The following MYT1 variants were observed in gnomAD, a reference collection of about 807,000 sequenced individuals.
The protein encoded by MYT1 is myelin transcription factor 1, also known as myelin transcription factor I.
In MYT1, 23 loss-of-function variants were observed where a neutral mutation model predicts 123.0. The ratio of observed to expected loss-of-function variants is 0.19; its 90% CI spans 0.13 to 0.26. The LOEUF is 0.26. Among genes scored for constraint, MYT1 ranks in the 10% least tolerant of loss-of-function variants. The probability of loss-of-function intolerance (pLI) is 1.00; values close to 1 mark genes in which losing one functional copy is unlikely to be tolerated. For missense variants in MYT1, 1,125 were observed against 1,472.5 expected (o/e 0.76, Z 3.86); for synonymous variants, 518 against 575.3 (o/e 0.90, Z 1.43).
intron 16 of MYT1, among the ~76,000 whole-genome samples, chr20:64,226,022 G>A (rs1335318590): frequency 6.6e-6 from 1 of 152,162 alleles, no homozygotes; most frequent in Non-Finnish European, 1.5e-5. Context: ...CTGTCACTCT[G>A]GCCACCTGAG....
At chr20:64,184,813 A>C (rs1319899286) in intron 1 of MYT1, among the ~76,000 whole-genome samples, 1 of 152,218 alleles carries the variant, frequency 6.6e-6, no homozygotes, top group African/African-American at 2.4e-5. Flanking sequence ...ACCCCACGTC[A>C]CGTAAGAAGC....
At chr20:64,215,368 C>T (rs1204307006) in intron 10 of MYT1, among the ~76,000 whole-genome samples, 2 of 152,202 alleles carry the variant, frequency 1.3e-5, no homozygotes, top group Non-Finnish European at 1.5e-5. Context: ...ATGGTGAATA[C>T]TCACTGAACG....
rs207477717 is a variant in MYT1, at chr20:64,169,060, C to T, written c.-99+4321C>T. 3.9e-5 allele frequency among the ~76,000 whole-genome samples: 6 copies of T among 152,276 alleles called. No homozygotes were observed. The East Asian group carries it at 9.7e-4, about 25-fold the overall frequency. On this transcript the variant is annotated intron_variant, in intron 1 of 22. Coordinates refer to ENST00000328439, the MANE Select transcript of MYT1 (RefSeq NM_004535.3). ...TGCAATCCACACATCAGAGGAGGAG[C>T]GTGAGAAGAGGGGGCCCTGGGTCAA...
At chr20:64,198,980 G>C in intron 3 of MYT1, 64 bp downstream of exon 3, 1 of 1,562,532 alleles carries the variant, frequency 6.4e-7, no homozygotes, top group Non-Finnish European at 8.8e-7. Flanking sequence ...TCTTCCTCAG[G>C]AGCACAAACC....
chr20:64,170,880 TATATAGAG>T (rs1470318452), intron 1 of MYT1, among the ~76,000 whole-genome samples: 9 of 49,152 alleles, frequency 1.8e-4, no homozygotes, highest in Admixed American at 3.2e-4. Flanking sequence ...TATATATATA[TATATAGAG>T]AGAGAGAGAG....
chr20:64,207,870 T>G lies in MYT1; in HGVS notation c.674T>G (p.Val225Gly). 6.2e-7 allele frequency: 1 copy of G among 1,612,630 alleles called. No individual in the cohort carries two copies. Among genetic ancestry groups the G allele is most frequent in the Non-Finnish European group, 8.5e-7 (1 of 1,179,632 alleles). Residue 225 changes from valine (V) to glycine (G), a missense_variant, in exon 7 of 23, where the codon GTC (valine) becomes GGC (glycine). Transcript: ENST00000328439. ...FIQPEDAEEV[V>G]EVTTERSQDL... is the part of the protein sequence containing the mutation. ...CAGCCAGAGGATGCCGAGGAGGTCGTCGAAGTCACCACCGAGCGCTCCCAG... is the reference window on the plus strand; with the variant it reads ...CAGCCAGAGGATGCCGAGGAGGTCGGCGAAGTCACCACCGAGCGCTCCCAG...
chr20:64,211,899 C>T (rs963014860), intron 8 of MYT1, 149 bp from the exon 9 acceptor site: 17 of 677,680 alleles, frequency 2.5e-5, no homozygotes, highest in Admixed American at 6.0e-5. Context: ...GCTGGAGCTG[C>T]CCTGCGTTGC....
intron 18 of MYT1, among the ~76,000 whole-genome samples, chr20:64,230,517 A>C (rs1266924815): frequency 6.6e-6 from 1 of 152,214 alleles, no homozygotes; most frequent in Non-Finnish European, 1.5e-5. Flanking sequence ...CCATCTCAAA[A>C]ATACTACTAC....
intron 1 of MYT1, among the ~76,000 whole-genome samples, chr20:64,169,324 G>A (rs1982174467): frequency 2.6e-5 from 4 of 152,232 alleles, no homozygotes; most frequent in Admixed American, 2.6e-4. Context: ...CCACAGACCC[G>A]AGGCGCGTCC....
At chr20:64,180,568 G>T (rs1219749367) in intron 1 of MYT1, among the ~76,000 whole-genome samples, 1 of 152,214 alleles carries the variant, frequency 6.6e-6, no homozygotes, top group East Asian at 1.9e-4. Context: ...CCTTGGTGGG[G>T]ACACCTTCTC....
rs968005521 is a variant in MYT1 at position 64,192,058 on chromosome 20, A to T, written c.-1+1898A>T. Among the ~76,000 whole-genome samples, 6 of 152,038 alleles carry T rather than the reference A, an allele frequency of 3.9e-5. No individual in the cohort carries two copies. On this transcript the variant is annotated intron_variant, in intron 2 of 22. Transcript: ENST00000328439. This position sits in a 1 kb window ranked among gnomAD's most constrained non-coding sequence, Gnocchi z 5.3. ...TGCCATGTCAGGGGTGGGTCGGAAG[A>T]CTTTTGTCTCCCCCTGGCCCAGACA...
chr20:64,208,054 A>C lies in MYT1; in HGVS notation c.858A>C (p.Glu286Asp). ...EEEEEEEEEE[E>D]EEEEEEEEEE... ...AAGAGGAAGAGGAGGAGGAAGAGGA[A>C]GAGGAGGAGGAGGAAGAGGAAGAGG... Residue 286 changes from glutamate to aspartate, a missense_variant, in exon 7 of 23, where the codon GAA (glutamate) becomes GAC (aspartate). Physicochemically the swap from Glu to Asp is conservative, Grantham distance 45 (BLOSUM62 2). Around this residue, in one of 4 missense-constraint regions of MYT1, gnomAD observed 406 missense variants for 432.2 expected, o/e 0.94. Coordinates refer to ENST00000328439, the MANE Select transcript of MYT1 (RefSeq NM_004535.3). The surrounding 1 kb of genome is among the most constrained non-coding windows in gnomAD (Gnocchi z 5.4). 6.3e-7 allele frequency: 1 copy of C among 1,589,588 alleles called. No homozygotes were observed. Among genetic ancestry groups the C allele is most frequent in the South Asian group, 1.1e-5 (1 of 87,878 alleles).
At position 64,203,838 on chromosome 20, in the gene MYT1, C is replaced by A. The variant is rs1205803231; in HGVS notation, c.87-1197C>A. Among the ~76,000 whole-genome samples the A allele has an allele frequency of 1.3e-5, 2 of 152,220 alleles. No homozygotes were observed. Among genetic ancestry groups the A allele is most frequent in the African/African-American group, 4.8e-5 (2 of 41,462 alleles). On this transcript the variant is annotated intron_variant, in intron 4 of 22. Coordinates refer to ENST00000328439, the MANE Select transcript of MYT1 (RefSeq NM_004535.3). This position sits in a 1 kb window ranked among gnomAD's most constrained non-coding sequence, Gnocchi z 5.1. Reference sequence around the variant, plus strand: ...TAGAGACTGGGGATGGCGTTCTTTTCCCCGGGTCCCAGGTATGGGGGCACC... The same window carrying A: ...TAGAGACTGGGGATGGCGTTCTTTTACCCGGGTCCCAGGTATGGGGGCACC...
intron 13 of MYT1, among the ~76,000 whole-genome samples, chr20:64,221,532 T>G (rs1234994626): frequency 6.6e-6 from 1 of 152,252 alleles, no homozygotes; most frequent in Non-Finnish European, 1.5e-5. Context: ...TACTGTCTAT[T>G]GAGTGCCATC....
In MYT1 at chr20:64,212,053, G is replaced by A. The variant is rs761177099; in HGVS notation, c.1432G>A (p.Ala478Thr). The change falls in exon 9 of 23, where the codon GCC becomes ACC. Residue 478 changes from alanine to threonine, a missense_variant. Physicochemically the swap from Ala to Thr is moderately conservative, Grantham distance 58. This residue lies in a region of MYT1 where 429 missense variants were observed against 604.1 expected (regional missense o/e 0.71). Coordinates refer to ENST00000328439, the MANE Select transcript of MYT1 (RefSeq NM_004535.3). This position sits in a 1 kb window ranked among gnomAD's most constrained non-coding sequence, Gnocchi z 6.8. The stretch of plus-strand genomic sequence containing the variant: ...CACCCCCTGTTCTCTTACAGTCTTA[G>A]CCATGCATGAGAACGTGCTGAAGTG... ...HKDRIPPEIL[A>T]MHENVLKCPT... is the part of the protein sequence containing the mutation. 7 of 1,613,696 alleles carry A rather than the reference G, an allele frequency of 4.3e-6. No homozygotes were observed. Among genetic ancestry groups the A allele is most frequent in the Non-Finnish European group, 5.1e-6 (6 of 1,179,762 alleles).
rs1337463428 is a variant in MYT1, at chr20:64,192,907, T to C, written c.-1+2747T>C. Among the ~76,000 whole-genome samples the C allele has an allele frequency of 6.6e-6, 1 of 152,220 alleles. No homozygotes were observed. ...TATAAATTCCATTTATGCTGGAGTTTTTAACAGACGGTTGCAGATATGGCT... is the reference window on the plus strand; with the variant it reads ...TATAAATTCCATTTATGCTGGAGTTCTTAACAGACGGTTGCAGATATGGCT... On this transcript the variant is annotated intron_variant, in intron 2 of 22. Transcript: ENST00000328439. This position sits in a 1 kb window ranked among gnomAD's most constrained non-coding sequence, Gnocchi z 5.3.
intron 4 of MYT1, among the ~76,000 whole-genome samples, chr20:64,204,647 A>G (rs1036651972): frequency 6.6e-6 from 1 of 152,196 alleles, no homozygotes; most frequent in Non-Finnish European, 1.5e-5. Context: ...AGTGATGGCC[A>G]CAGAGAATGC....
At chr20:64,207,126 C>T (rs868191565) in intron 6 of MYT1, among the ~76,000 whole-genome samples, 1 of 152,098 alleles carries the variant, frequency 6.6e-6, no homozygotes, top group African/African-American at 2.4e-5. Context: ...TCAGGTGATC[C>T]GCCCGCCTCG....
In MYT1 at chr20:64,189,038, G is replaced by A. The variant is rs1441144790; in HGVS notation, c.-98-1025G>A. Among the ~76,000 whole-genome samples, 1 of 152,224 alleles carries A rather than the reference G, an allele frequency of 6.6e-6. No homozygotes were observed. Among genetic ancestry groups the A allele is most frequent in the Non-Finnish European group, 1.5e-5 (1 of 68,042 alleles). ...TAATCCGAAGCCCTTTAATGGGATG[G>A]AAGCATTTCCAGATAAGAAGAGGGT... On this transcript the variant is annotated intron_variant, in intron 1 of 22. Coordinates refer to ENST00000328439, the MANE Select transcript of MYT1 (RefSeq NM_004535.3). The surrounding 1 kb of genome is among the most constrained non-coding windows in gnomAD (Gnocchi z 5.5).
Sources: gnomAD v4.1 joint callset for allele counts (sites outside exome capture counted in the v4.1 genomes callset) on GRCh38, gnomAD v4.1.1 for gene constraint, gnomAD v4.1.1 regional missense constraint, Gnocchi (gnomAD v3.1) non-coding constraint, MANE v1.5 for transcripts, NCBI Gene and HGNC (gene_info 2026-07-23, HGNC 2026-07-21) for gene names.